The following MPDZ variants were observed in gnomAD, a reference collection of about 807,000 sequenced individuals.
The protein encoded by MPDZ is multiple PDZ domain protein.
MPDZ carries 234 observed loss-of-function variants against 239.1 expected under a neutral mutation model. The ratio of observed to expected loss-of-function variants is 0.98; its 90% CI spans 0.88 to 1.09. The LOEUF (loss-of-function observed/expected upper bound fraction) is 1.09, where lower values mean the gene tolerates loss of function less well. Among genes scored for constraint, MPDZ ranks in the 50% least tolerant of loss-of-function variants. The pLI is 0.00. For synonymous variants in MPDZ, 1,048 were observed against 881.3 expected (o/e 1.19, Z -3.35); for missense variants, 3,175 against 2,510.0 (o/e 1.26, Z -5.66).
In MPDZ at chr9:13,106,925, G is replaced by C; in HGVS notation, c.*40C>G. ...CAGTGCATTCTCTTTACAGTAGGAG[G>C]TGAGCTAGGGGTTGGGTTGGTTCAA... On this transcript the variant is annotated 3_prime_UTR_variant, in exon 47 of 47. Coordinates refer to ENST00000319217, the MANE Select transcript of MPDZ (RefSeq NM_001378778.1). 1 of 1,606,798 alleles carries C rather than the reference G, an allele frequency of 6.2e-7. No individual in the cohort carries two copies. Among genetic ancestry groups the C allele is most frequent in the Non-Finnish European group, 8.5e-7 (1 of 1,174,172 alleles).
At chr9:13,231,442 C>A (rs1253389265) in intron 3 of MPDZ, among the ~76,000 whole-genome samples, 1 of 151,884 alleles carries the variant, frequency 6.6e-6, no homozygotes, top group Non-Finnish European at 1.5e-5. Context: ...TTGTACGCAC[C>A]CATAATCTCA....
intron 21 of MPDZ, among the ~76,000 whole-genome samples, chr9:13,169,461 C>A (rs929928070): frequency 6.6e-6 from 1 of 152,026 alleles, no homozygotes; most frequent in Non-Finnish European, 1.5e-5. Flanking sequence ...AATCCAACAC[C>A]AAATCCTGTC....
intron 25 of MPDZ, among the ~76,000 whole-genome samples, chr9:13,148,924 T>G (rs1158105249): frequency 2.0e-5 from 3 of 151,990 alleles, no homozygotes; most frequent in Non-Finnish European, 4.4e-5. Flanking sequence ...AAGGTGAACT[T>G]TAACTTTTTA....
intron 21 of MPDZ, 68 bp downstream of exon 21, chr9:13,175,684 C>G: frequency 4.7e-6 from 7 of 1,479,174 alleles, no homozygotes; most frequent in Non-Finnish European, 6.4e-6. Flanking sequence ...TTGAAATTTA[C>G]CATGTTCAAT....
rs761011640 is a variant in MPDZ, at chr9:13,168,410, T to C, written c.3210A>G (p.Ala1070=). The C allele has an allele frequency of 8.9e-5, 144 of 1,613,588 alleles. 1 individual carries two copies. The Middle Eastern group carries it at 1.3e-3, about 15-fold the overall frequency. Residue 1070 remains alanine, a synonymous_variant, in exon 22 of 47, where the codon GCA becomes GCG. Coordinates refer to ENST00000319217, the MANE Select transcript of MPDZ (RefSeq NM_001378778.1). ...ESTISVTNAQ[A]RAMLRRHSLI... ...GAGAATGTCTTCTCAACATAGCTCG[T>C]GCCTGGGCATTGGTTACACTGATGG...
Position 13,247,833 on chromosome 9 carries a change from G to T in MPDZ, c.17-32C>A, listed in dbSNP as rs201755362. ...CAAAGAGCAGCATTTGTCAATAACA[G>T]GATTCAAAGGACACATGTCCAGCCT... On this transcript the variant is annotated intron_variant, in intron 2 of 46. Transcript: ENST00000319217. 170 of 1,562,374 alleles carry T rather than the reference G, an allele frequency of 1.1e-4. No individual in the cohort carries two copies. The African/African-American group carries it at 2.1e-3, about 19-fold the overall frequency.
At chr9:13,145,401 C>T (rs1948302042) in intron 26 of MPDZ, among the ~76,000 whole-genome samples, 1 of 151,922 alleles carries the variant, frequency 6.6e-6, no homozygotes, top group Admixed American at 6.6e-5. Flanking sequence ...AGGGCTAGTT[C>T]TGGAAATTTC....
At chr9:13,140,204 A>C in intron 27 of MPDZ, 55 bp from the exon 28 acceptor site, 2 of 1,544,116 alleles carry the variant, frequency 1.3e-6, no homozygotes, top group South Asian at 2.4e-5. Flanking sequence ...AGAAAACTTC[A>C]AGAAGAAGAA....
intron 24 of MPDZ, among the ~76,000 whole-genome samples, chr9:13,151,201 C>T (rs1382126304): frequency 1.3e-5 from 2 of 151,922 alleles, no homozygotes; most frequent in Admixed American, 6.6e-5. Flanking sequence ...CCCTTGTGTA[C>T]TGTTGGTAGA....
chr9:13,140,093 T>A lies in MPDZ; in HGVS notation c.3897A>T (p.Pro1299=). 6.2e-7 allele frequency: 1 copy of A among 1,611,512 alleles called. No homozygotes were observed. The highest frequency in any genetic ancestry group is 1.1e-5 in the South Asian group (1 of 91,000). The change falls in exon 28 of 47, where the codon CCA becomes CCT. Residue 1299 remains proline, a synonymous_variant. Transcript: ENST00000319217. ...TTTCGGCAAAGGCTGAAGGAGGGGG[T>A]GGGGGCACACTGCACAATGGAGCCT... ...PEKAPLCSVP[P]PPPSAFAEMG... is the part of the protein sequence containing the mutation.
intron 7 of MPDZ, among the ~76,000 whole-genome samples, chr9:13,220,789 C>G (rs1293872785): frequency 1.3e-5 from 2 of 151,912 alleles, no homozygotes; most frequent in Non-Finnish European, 2.9e-5. Context: ...CTTACTTAAA[C>G]CAGTAAGCCT....
At chr9:13,199,096 T>A (rs191809481) in intron 12 of MPDZ, among the ~76,000 whole-genome samples, 142 of 152,156 alleles carry the variant, frequency 9.3e-4, no homozygotes, top group Admixed American at 9.3e-3. Context: ...TAGATATCTT[T>A]TGGTAGTATT....
chr9:13,108,307 A>G (rs548173527), intron 46 of MPDZ, among the ~76,000 whole-genome samples: 1 of 152,216 alleles, frequency 6.6e-6, no homozygotes, highest in East Asian at 1.9e-4. Flanking sequence ...CAGTACTGCA[A>G]TATCTTTATT....
At chr9:13,160,853 T>TATATATATATAC (rs1950386272) in intron 23 of MPDZ, among the ~76,000 whole-genome samples, 1 of 122,794 alleles carries the variant, frequency 8.1e-6, no homozygotes, top group Non-Finnish European at 1.7e-5. Context: ...TATATATATA[T>TATATATATATAC]ATATATATAT....
chr9:13,168,268 C>T (rs1049295015), intron 22 of MPDZ, 98 bp downstream of exon 22: 61 of 1,070,262 alleles, frequency 5.7e-5, no homozygotes, highest in African/African-American at 3.9e-4. Flanking sequence ...AATGTGATAA[C>T]GTTTGCATCT....
rs556577234 is a variant in MPDZ, at chr9:13,186,372, T to C, written c.2379A>G (p.Glu793=). 85 of 1,576,584 alleles carry C rather than the reference T, an allele frequency of 5.4e-5. No individual in the cohort carries two copies. In the South Asian group the frequency reaches 9.7e-4, roughly 18 times the overall value. Residue 793 remains glutamate, a synonymous_variant, in exon 18 of 47, where the codon GAA becomes GAG. Coordinates refer to ENST00000319217, the MANE Select transcript of MPDZ (RefSeq NM_001378778.1). ...VAKPLPLSPE[E]GYVSAKEDSF... ...AATCCTCCTTAGCAGAAACATAACC[T>C]TCTTCTGGTGAAAGCTGCAGGGAAA...
chr9:13,192,769 A>G (rs1955109640), intron 14 of MPDZ, among the ~76,000 whole-genome samples: 1 of 152,322 alleles, frequency 6.6e-6, no homozygotes, highest in Admixed American at 6.5e-5. Context: ...AGAAGCAAAT[A>G]TATTAGTAGT....
chr9:13,129,560 A>AT (rs1202223703), intron 32 of MPDZ, among the ~76,000 whole-genome samples: 5 of 152,114 alleles, frequency 3.3e-5, no homozygotes, highest in African/African-American at 4.8e-5. Context: ...TGAATGTGCA[A>AT]TTTTTTATCT....
intron 34 of MPDZ, among the ~76,000 whole-genome samples, chr9:13,126,209 T>A (rs185979317): frequency 6.6e-6 from 1 of 152,340 alleles, no homozygotes; most frequent in African/African-American, 2.4e-5. Context: ...CAAACATTCA[T>A]TAAAAAATAT....
Sources: allele counts gnomAD v4.1 joint callset (sites outside exome capture counted in the v4.1 genomes callset), GRCh38; gene constraint gnomAD v4.1.1; transcripts MANE v1.5; gene names NCBI Gene and HGNC (gene_info 2026-07-23, HGNC 2026-07-21).